Variants in SLC2A9 observed in about 807,000 individuals in gnomAD.
The protein encoded by SLC2A9 is solute carrier family 2 member 9.
Under a neutral mutation model 50.6 loss-of-function variants are expected in SLC2A9, and 39 were observed. That is an observed-to-expected ratio of 0.77 (90% CI 0.60 to 1.01). The LOEUF (loss-of-function observed/expected upper bound fraction) is 1.01. Ranked by LOEUF, SLC2A9 falls within the 50% of genes least tolerant of loss-of-function variation. The pLI is 0.00. For synonymous variants in SLC2A9, 324 were observed against 276.9 expected (o/e 1.17, Z -1.69); for missense variants, 686 against 677.6 (o/e 1.01, Z -0.14).
intron 8 of SLC2A9, among the ~76,000 whole-genome samples, chr4:9,898,877 A>G (rs1317064602): frequency 3.3e-5 from 5 of 152,214 alleles, no homozygotes; most frequent in East Asian, 1.9e-4. Flanking sequence ...GATTTCCTCA[A>G]CAGGCTTTAC....
intron 2 of SLC2A9, among the ~76,000 whole-genome samples, chr4:10,012,458 G>A (rs539248625): frequency 1.3e-5 from 2 of 152,310 alleles, no homozygotes; most frequent in East Asian, 3.9e-4. Context: ...TGTTCTAGGT[G>A]CTGGCACTGC....
chr4:9,836,178 AAC>A (rs1401406361), intron 10 of SLC2A9, among the ~76,000 whole-genome samples: 1 of 151,752 alleles, frequency 6.6e-6, no homozygotes, highest in African/African-American at 2.4e-5. Context: ...TGAGTTATAA[AAC>A]ACTACAAATT....
intron 6 of SLC2A9, among the ~76,000 whole-genome samples, chr4:9,937,179 G>C (rs1056430609): frequency 3.3e-5 from 5 of 152,184 alleles, no homozygotes; most frequent in African/African-American, 1.2e-4. Flanking sequence ...AGTGAGGCTG[G>C]TCCTTACAGC....
intron 5 of SLC2A9, among the ~76,000 whole-genome samples, chr4:9,956,027 A>C (rs1397642178): frequency 6.6e-6 from 1 of 151,324 alleles, no homozygotes; most frequent in African/African-American, 2.4e-5. Context: ...ACAGGCACCC[A>C]CCACCATGCC....
At chr4:9,985,462 C>T (rs1215395539) in intron 4 of SLC2A9, among the ~76,000 whole-genome samples, 1 of 152,194 alleles carries the variant, frequency 6.6e-6, no homozygotes, top group African/African-American at 2.4e-5. Context: ...GCCCAGCATT[C>T]CTCAATTAGG....
intron 8 of SLC2A9, among the ~76,000 whole-genome samples, chr4:9,897,485 C>T (rs548456128): frequency 1.1e-4 from 17 of 151,818 alleles, no homozygotes; most frequent in African/African-American, 3.6e-4. Context: ...AAAATGTGAC[C>T]TTGTTTGGGA....
At chr4:9,885,144 T>G (rs1443245382) in intron 10 of SLC2A9, among the ~76,000 whole-genome samples, 1 of 152,026 alleles carries the variant, frequency 6.6e-6, no homozygotes, top group Non-Finnish European at 1.5e-5. Context: ...GTAACAAACC[T>G]GCGAGTCCTG....
chr4:9,919,553 G>T (rs1214249352), intron 7 of SLC2A9, among the ~76,000 whole-genome samples: 3 of 109,274 alleles, frequency 2.7e-5, no homozygotes, highest in African/African-American at 1.2e-4. Context: ...AATGCAAGCT[G>T]TCTTACTGGG....
chr4:9,804,330 T>G (rs1046376429), intron 3 of SLC2A9, among the ~76,000 whole-genome samples: 4 of 151,978 alleles, frequency 2.6e-5, no homozygotes, highest in Admixed American at 6.6e-5. Context: ...ACATGTAGAG[T>G]TCACCGGGGC....
chr4:9,778,851 A>G (rs556790183), downstream of SLC2A9, among the ~76,000 whole-genome samples: 15 of 150,902 alleles, frequency 9.9e-5, no homozygotes, highest in African/African-American at 3.4e-4. Context: ...ATGGAGTCTC[A>G]CTCTGTCACC....
chr4:9,972,359 T>C (rs1293220946), intron 5 of SLC2A9, among the ~76,000 whole-genome samples: 1 of 151,448 alleles, frequency 6.6e-6, no homozygotes, highest in Non-Finnish European at 1.5e-5. Flanking sequence ...GCAAGAGAAA[T>C]AGCTAATTGA....
At chr4:9,774,693 A>G (rs1717307002) in intron 1 of SLC2A9, among the ~76,000 whole-genome samples, 1 of 151,404 alleles carries the variant, frequency 6.6e-6, no homozygotes, top group African/African-American at 2.4e-5. Flanking sequence ...CAAAGAAATC[A>G]TTTTCTCTCT....
At chr4:9,834,816 T>A (rs1726751864) in intron 11 of SLC2A9, 65 bp downstream of exon 11, 3 of 1,609,756 alleles carry the variant, frequency 1.9e-6, no homozygotes, top group African/African-American at 2.7e-5. Context: ...GCTCTATGAA[T>A]CACCCCTCAA....
intron 2 of SLC2A9, 86 bp downstream of exon 2, chr4:10,018,889 G>A (rs1291030301): frequency 2.0e-5 from 27 of 1,335,668 alleles, no homozygotes; most frequent in Non-Finnish European, 2.7e-5. Flanking sequence ...CGCAACAGGA[G>A]GGGGCGCTGG....
chr4:9,893,054 A>G (rs528734930), intron 8 of SLC2A9, among the ~76,000 whole-genome samples: 48 of 152,322 alleles, frequency 3.2e-4, no homozygotes, highest in African/African-American at 9.6e-4. Context: ...ATGGCTGGTA[A>G]GTGGCAAAGC....
At chr4:9,791,807 A>T (rs1015693455) in intron 3 of SLC2A9, among the ~76,000 whole-genome samples, 3 of 152,114 alleles carry the variant, frequency 2.0e-5, no homozygotes, top group African/African-American at 7.2e-5. Flanking sequence ...CCTTTGGGAG[A>T]CTGTGAGCCA....
chr4:9,772,758 A>C (rs1716998032), intron 1 of SLC2A9, among the ~76,000 whole-genome samples: 1 of 152,232 alleles, frequency 6.6e-6, no homozygotes. Context: ...TTGTAAGTAC[A>C]GCATCTCATT....
At chr4:9,978,182 C>T (rs1420644172) in intron 5 of SLC2A9, among the ~76,000 whole-genome samples, 2 of 152,122 alleles carry the variant, frequency 1.3e-5, no homozygotes, top group African/African-American at 4.8e-5. Context: ...AGAGGTGAGT[C>T]GACCTTCCCA....
At chr4:10,025,920 GA>G, upstream of SLC2A9, 1 of 1,611,876 alleles carries the variant, frequency 6.2e-7, no homozygotes. Flanking sequence ...CTTTTTCGCT[GA>G]ATCACTTTCT....
Sources: gnomAD v4.1 joint callset for allele counts (sites outside exome capture counted in the v4.1 genomes callset) on GRCh38, gnomAD v4.1.1 for gene constraint, MANE v1.5 for transcripts, NCBI Gene and HGNC (gene_info 2026-07-23, HGNC 2026-07-21) for gene names.